Variants in FCAMR observed in about 807,000 individuals in gnomAD.
The protein encoded by FCAMR is Fc alpha and mu receptor, also known as high affinity immunoglobulin alpha and immunoglobulin mu Fc receptor.
A neutral mutation model predicts 52.2 loss-of-function variants in FCAMR; 51 were observed. That is an observed-to-expected ratio of 0.98 (90% CI 0.78 to 1.23). The LOEUF is 1.23. Among genes scored for constraint, FCAMR ranks in the 50% most tolerant of loss-of-function variants. FCAMR has a pLI of 0.00. For missense variants in FCAMR, 719 were observed against 712.6 expected, an observed-to-expected ratio of 1.01 and a Z score of -0.10; for synonymous variants, 282 against 262.0, an observed-to-expected ratio of 1.08 and a Z score of -0.74.
chr1:206,965,167 A>G (rs917023759), intron 4 of FCAMR, among the ~76,000 whole-genome samples: 2 of 152,256 alleles, frequency 1.3e-5, no homozygotes, highest in Non-Finnish European at 2.9e-5. Context: ...TCAGGACAAT[A>G]GTGATGATGC....
intron 5 of FCAMR, among the ~76,000 whole-genome samples, chr1:206,961,670 C>T (rs1680513404): frequency 6.6e-6 from 1 of 152,262 alleles, no homozygotes; most frequent in Non-Finnish European, 1.5e-5. Context: ...GTCTCCTCTG[C>T]CAAGTGGCCT....
Position 206,958,053 on chromosome 1 carries a change from C to T in FCAMR, c.*463G>A, listed in dbSNP as rs1680320542. 1 of 153,106 alleles carries T rather than the reference C, an allele frequency of 6.5e-6. No individual in the cohort carries two copies. The highest frequency in any genetic ancestry group is 2.4e-5 in the African/African-American group (1 of 41,450). The allele number at this position is 153,106 out of a possible 1,614,324, so 9.5% of individuals were successfully genotyped here. ...GAGACAGATAAAATGCAATTACTGC[C>T]TTAAAGGAGCTTAGAATCTACTTGA... On this transcript the variant is annotated 3_prime_UTR_variant, in exon 8 of 8. Coordinates refer to ENST00000324852, the MANE Select transcript of FCAMR (RefSeq NM_001170631.2).
chr1:206,970,221 C>T lies in FCAMR; in HGVS notation c.-96G>A, dbSNP rs1558029657. Reference sequence around the variant, plus strand: ...AGTTGCTCTCCTTTAAACCTGGAGACTGAGAAGTCAAGGTGGTATTTTGGA... The same window carrying T: ...AGTTGCTCTCCTTTAAACCTGGAGATTGAGAAGTCAAGGTGGTATTTTGGA... On this transcript the variant is annotated 5_prime_UTR_variant, in exon 1 of 8. Transcript: ENST00000324852. 7.0e-7 allele frequency: 1 copy of T among 1,429,588 alleles called. No individual in the cohort carries two copies. 88.6% of individuals were successfully genotyped at this position (1,429,588 alleles called of 1,614,324 possible).
Position 206,965,789 on chromosome 1 carries a change from C to G in FCAMR, c.239G>C (p.Arg80Thr). The G allele has an allele frequency of 6.3e-7, 1 of 1,594,038 alleles. No homozygotes were observed. The highest frequency in any genetic ancestry group is 1.1e-5 in the South Asian group (1 of 88,304). Residue 80 changes from arginine to threonine, a missense_variant, in exon 4 of 8, where the codon AGG (arginine) becomes ACG (threonine). Physicochemically the swap from Arg to Thr is moderately conservative, Grantham distance 71. Coordinates refer to ENST00000324852, the MANE Select transcript of FCAMR (RefSeq NM_001170631.2). Reference protein sequence around the residue: ...RWLWEGSLPSRTHLRAMGTLR... With the variant: ...RWLWEGSLPSTTHLRAMGTLR... ...TGTTCCCATGGCCCGGAGATGGGTCCTGGAGGGGAGAGAGCCCTCCCACAG... is the reference window on the plus strand; with the variant it reads ...TGTTCCCATGGCCCGGAGATGGGTCGTGGAGGGGAGAGAGCCCTCCCACAG...
rs973715261 is a variant in FCAMR, at chr1:206,960,508, A to G, written c.1368T>C (p.Thr456=). 5 of 1,551,302 alleles carry G rather than the reference A, an allele frequency of 3.2e-6. No individual in the cohort carries two copies. In the African/African-American group the frequency reaches 6.8e-5, roughly 21 times the overall value. The change falls in exon 6 of 8, where the codon ACT becomes ACC. Residue 456 remains threonine (T), a synonymous_variant. Coordinates refer to ENST00000324852, the MANE Select transcript of FCAMR (RefSeq NM_001170631.2). ...GSAAGDLDAA[T]GDRGPQATLS... ...GTGTTGCTTGGGGACCTCTGTCTCCAGTGGCAGCATCTAGGTCCCCTGCAG... is the reference window on the plus strand; with the variant it reads ...GTGTTGCTTGGGGACCTCTGTCTCCGGTGGCAGCATCTAGGTCCCCTGCAG...
At chr1:206,962,995 G>A (rs1418679539) in intron 4 of FCAMR, among the ~76,000 whole-genome samples, 1 of 152,036 alleles carries the variant, frequency 6.6e-6, no homozygotes, top group East Asian at 1.9e-4. Flanking sequence ...ATCATCAAAA[G>A]ACAAAAATAT....
At chr1:206,960,064 G>A (rs779214213) in intron 6 of FCAMR, 73 of 478,784 alleles carry the variant, frequency 1.5e-4, no homozygotes, top group Non-Finnish European at 2.6e-4. Flanking sequence ...CTAGGTGGGA[G>A]CAAGCGACTC....
rs2102613884 is a variant in FCAMR at position 206,958,653 on chromosome 1, A to G, written c.1597T>C (p.Leu533=). 1 of 1,614,066 alleles carries G rather than the reference A, an allele frequency of 6.2e-7. No individual in the cohort carries two copies. The highest frequency in any genetic ancestry group is 8.5e-7 in the Non-Finnish European group (1 of 1,180,020). The stretch of plus-strand genomic sequence containing the variant: ...TCCAGAAAATGTGTCATCTGAATTA[A>G]GGTGACCCTTTCTGCCTCCTGAGCT... ...RTSQEAERVT[L]IQMTHFLEVN... The change falls in exon 8 of 8, where the codon TTA becomes CTA. Residue 533 remains leucine, a synonymous_variant. Transcript: ENST00000324852.
intron 7 of FCAMR, chr1:206,959,037 C>CCCTG (rs1680379381): frequency 2.1e-6 from 1 of 470,828 alleles, no homozygotes; most frequent in Admixed American, 2.5e-5. Flanking sequence ...CAGGTCTGGG[C>CCCTG]CCTGCACTCC....
Position 206,965,755 on chromosome 1 carries a change from A to G in FCAMR, c.273T>C (p.Pro91=). 1 of 1,581,930 alleles carries G rather than the reference A, an allele frequency of 6.3e-7. No homozygotes were observed. The highest frequency in any genetic ancestry group is 8.6e-7 in the Non-Finnish European group (1 of 1,168,334). ...CCTCCCGCCAGCAGAGGGGCGAGGA[A>G]GGCCTGAGTGTTCCCATGGCCCGGA... ...THLRAMGTLR[P]SSPLCWREES... is the part of the protein sequence containing the mutation. Residue 91 remains proline, a synonymous_variant, in exon 4 of 8, where the codon CCT becomes CCC. Transcript: ENST00000324852.
At chr1:206,968,161 A>C (rs1680790043) in intron 1 of FCAMR, among the ~76,000 whole-genome samples, 1 of 152,206 alleles carries the variant, frequency 6.6e-6, no homozygotes, top group African/African-American at 2.4e-5. Context: ...AACATGGTGA[A>C]ATCCCATCTT....
chr1:206,960,050 A>G, intron 6 of FCAMR: 1 of 470,474 alleles, frequency 2.1e-6, no homozygotes, highest in Admixed American at 3.3e-5. Flanking sequence ...AGTGAGAAAG[A>G]GGACTAGGTG....
intron 4 of FCAMR, among the ~76,000 whole-genome samples, chr1:206,963,026 C>G (rs1050854452): frequency 6.7e-6 from 1 of 150,070 alleles, no homozygotes; most frequent in Non-Finnish European, 1.5e-5. Flanking sequence ...AAACAAGGAC[C>G]CTTTCAGGAC....
intron 4 of FCAMR, among the ~76,000 whole-genome samples, chr1:206,964,253 G>A (rs1403879093): frequency 6.6e-6 from 1 of 152,164 alleles, no homozygotes; most frequent in African/African-American, 2.4e-5. Context: ...GCTGGGACCA[G>A]CTCTATGTGT....
intron 5 of FCAMR, among the ~76,000 whole-genome samples, chr1:206,961,589 C>T (rs1011984051): frequency 1.3e-5 from 2 of 152,244 alleles, no homozygotes; most frequent in African/African-American, 4.8e-5. Flanking sequence ...CAGAGCAGCC[C>T]GTTGCAGCAG....
In FCAMR at chr1:206,962,442, G is replaced by A; in HGVS notation, c.423C>T (p.Tyr141=). 6.2e-7 allele frequency: 1 copy of A among 1,614,068 alleles called. No homozygotes were observed. Among genetic ancestry groups the A allele is most frequent in the Non-Finnish European group, 8.5e-7 (1 of 1,179,964 alleles). ...PSSVNRHQRK[Y]WCRLGPPRWI... ...ATCTTGGGGGCCCCAGACGGCACCA[G>A]TACTTCCTCTGGTGCCTGTTGACAG... The change falls in exon 5 of 8, where the codon TAC becomes TAT. Residue 141 remains tyrosine, a synonymous_variant. Transcript: ENST00000324852.
chr1:206,967,389 T>C (rs901988963), intron 2 of FCAMR, among the ~76,000 whole-genome samples, 194 bp downstream of exon 2: 1 of 152,188 alleles, frequency 6.6e-6, no homozygotes, highest in Non-Finnish European at 1.5e-5. Context: ...ACTCCCTCTG[T>C]AGGATTCTAG....
chr1:206,969,301 G>A (rs1365010033), intron 1 of FCAMR: 2 of 456,488 alleles, frequency 4.4e-6, no homozygotes, highest in Middle Eastern at 3.3e-4. Context: ...GTGGGGCAAT[G>A]AGGAAGCAGG....
In FCAMR at chr1:206,958,503, A is replaced by G; in HGVS notation, c.*13T>C. 2 of 1,607,704 alleles carry G rather than the reference A, an allele frequency of 1.2e-6. No homozygotes were observed. Among genetic ancestry groups the G allele is most frequent in the African/African-American group, 1.3e-5 (1 of 74,808 alleles). The stretch of plus-strand genomic sequence containing the variant: ...TTCTCCCATGGTAACTGAGCAGTTC[A>G]TCTCTCTGTCCCTCAGGGTCCTGGA... On this transcript the variant is annotated 3_prime_UTR_variant, in exon 8 of 8. Transcript: ENST00000324852.
Sources: allele counts gnomAD v4.1 joint callset (sites outside exome capture counted in the v4.1 genomes callset), GRCh38; gene constraint gnomAD v4.1.1; transcripts MANE v1.5; gene names NCBI Gene and HGNC (gene_info 2026-07-23, HGNC 2026-07-21).